The following ZNF239 variants were observed in gnomAD, a reference collection of about 807,000 sequenced individuals.
The protein encoded by ZNF239 is zinc finger protein (C2H2) homologous to mouse MOK-2.
A neutral mutation model predicts 27.5 loss-of-function variants in ZNF239; 16 were observed. That is an observed-to-expected ratio of 0.58 (90% CI 0.39 to 0.88). ZNF239 has a LOEUF of 0.88. Among genes scored for constraint, ZNF239 ranks in the 40% least tolerant of loss-of-function variants. The pLI is 0.00. For missense variants in ZNF239, 527 were observed against 551.9 expected (o/e 0.95, Z 0.45); for synonymous variants, 199 against 192.6 (o/e 1.03, Z -0.27).
At chr10:43,565,856 C>G (rs1837609210) in intron 3 of ZNF239, among the ~76,000 whole-genome samples, 2 of 144,190 alleles carry the variant, frequency 1.4e-5, no homozygotes, top group Non-Finnish European at 3.0e-5. Context: ...GAAAAAGAAG[C>G]CAGAGAATCT....
At chr10:43,565,324 T>G (rs1424619732) in intron 3 of ZNF239, among the ~76,000 whole-genome samples, 2 of 152,138 alleles carry the variant, frequency 1.3e-5, no homozygotes, top group Admixed American at 1.3e-4. Context: ...CCTCAGGTGA[T>G]CCGCCCACCT....
chr10:43,561,503 GT>G (rs2132251781), intron 3 of ZNF239, among the ~76,000 whole-genome samples: 1 of 152,304 alleles, frequency 6.6e-6, no homozygotes, highest in South Asian at 2.1e-4. Context: ...AAAAGTCATT[GT>G]GAAATTATAA....
chr10:43,561,137 T>C (rs1837217120), intron 3 of ZNF239, among the ~76,000 whole-genome samples: 1 of 151,786 alleles, frequency 6.6e-6, no homozygotes, highest in Non-Finnish European at 1.5e-5. Flanking sequence ...AATAGAAAGA[T>C]AAAAGTAAAA....
At chr10:43,568,878 C>T (rs549329544) in intron 2 of ZNF239, among the ~76,000 whole-genome samples, 19 of 152,078 alleles carry the variant, frequency 1.2e-4, no homozygotes, top group Non-Finnish European at 2.4e-4. Context: ...GGTGAAACCT[C>T]GTCTCTACTG....
intron 2 of ZNF239, among the ~76,000 whole-genome samples, chr10:43,573,140 T>C (rs1838136464): frequency 6.6e-6 from 1 of 152,252 alleles, no homozygotes; most frequent in African/African-American, 2.4e-5. Flanking sequence ...ACCACTGTGC[T>C]GCCATTTAAC....
At chr10:43,559,241 G>A (rs1207508502) in intron 3 of ZNF239, among the ~76,000 whole-genome samples, 1 of 152,174 alleles carries the variant, frequency 6.6e-6, no homozygotes. Flanking sequence ...AACTATTAAA[G>A]AATTTTAATT....
At chr10:43,559,407 C>T (rs2132236489) in intron 3 of ZNF239, among the ~76,000 whole-genome samples, 1 of 152,206 alleles carries the variant, frequency 6.6e-6, no homozygotes, top group Middle Eastern at 3.4e-3. Flanking sequence ...TGATGATAAA[C>T]TAAACCTAGA....
chr10:43,567,779 A>G (rs182071572), intron 3 of ZNF239, 120 bp downstream of exon 3: 4 of 496,972 alleles, frequency 8.0e-6, no homozygotes, highest in Non-Finnish European at 1.0e-5. Context: ...ACCATTCTCC[A>G]ATTTTTACCA....
At chr10:43,561,219 TAAC>T (rs1837224818) in intron 3 of ZNF239, among the ~76,000 whole-genome samples, 1 of 151,842 alleles carries the variant, frequency 6.6e-6, no homozygotes, top group Non-Finnish European at 1.5e-5. Flanking sequence ...AAAGAAATAA[TAAC>T]AAAAAAATGT....
intron 3 of ZNF239, among the ~76,000 whole-genome samples, chr10:43,560,988 A>G (rs992294666): frequency 7.2e-5 from 11 of 152,216 alleles, no homozygotes; most frequent in Non-Finnish European, 1.0e-4. Context: ...ATGATAGGTT[A>G]TGTCACTTGT....
intron 2 of ZNF239, among the ~76,000 whole-genome samples, chr10:43,571,746 T>A (rs1426273908): frequency 6.6e-6 from 1 of 152,050 alleles, no homozygotes; most frequent in East Asian, 1.9e-4. Context: ...TTAGTAGAGA[T>A]GAGGTTTCAC....
chr10:43,556,939 C>T lies in ZNF239; in HGVS notation c.1141G>A (p.Gly381Arg). The T allele has an allele frequency of 3.7e-6, 6 of 1,613,804 alleles. No individual in the cohort carries two copies. Among genetic ancestry groups the T allele is most frequent in the Non-Finnish European group, 5.1e-6 (6 of 1,179,962 alleles). The part of the protein sequence containing the change: ...GEKPYQCYEC[G>R]KGFSQSSDLR... ...TCCGAGCTCTGGCTGAAACCCTTCC[C>T]ACACTCATAGCATTGGTAAGGCTTC... Residue 381 changes from glycine to arginine, a missense_variant, in exon 4 of 4, where the codon GGG (glycine) becomes AGG (arginine). Gly to Arg is a moderately radical substitution (Grantham distance 125). Coordinates refer to ENST00000374446, the MANE Select transcript of ZNF239 (RefSeq NM_001099282.2).
intron 3 of ZNF239, among the ~76,000 whole-genome samples, chr10:43,566,748 C>G (rs1056443856): frequency 2.0e-5 from 3 of 152,116 alleles, no homozygotes; most frequent in Non-Finnish European, 4.4e-5. Flanking sequence ...GATAATTTGC[C>G]TGACCAATCC....
Position 43,557,828 on chromosome 10 carries a change from A to C in ZNF239, c.252T>G (p.Asn84Lys). 1 of 1,614,226 alleles carries C rather than the reference A, an allele frequency of 6.2e-7. No individual in the cohort carries two copies. Among genetic ancestry groups the C allele is most frequent in the Non-Finnish European group, 8.5e-7 (1 of 1,180,042 alleles). Reference sequence around the variant, plus strand: ...TGCTTTCCTGATGATCCTGAGGCTCATTCTTACAGAACTTCACTGAAGAGT... The same window carrying C: ...TGCTTTCCTGATGATCCTGAGGCTCCTTCTTACAGAACTTCACTGAAGAGT... The part of the protein sequence containing the change: ...TQDSSVKFCK[N>K]EPQDHQESRR... The change falls in exon 4 of 4, where the codon AAT (asparagine) becomes AAG (lysine). Residue 84 changes from asparagine (N) to lysine (K), a missense_variant. Transcript: ENST00000374446.
chr10:43,570,912 G>C (rs1837990148), intron 2 of ZNF239: 1 of 984,820 alleles, frequency 1.0e-6, no homozygotes, highest in Admixed American at 6.2e-5. Context: ...CTAACTTTGT[G>C]GTAGGTAAAA....
chr10:43,557,841 T>C lies in ZNF239; in HGVS notation c.239A>G (p.Lys80Arg), dbSNP rs773878540. ...SQIDTQDSSV[K>R]FCKNEPQDHQ... Reference sequence around the variant, plus strand: ...ATCCTGAGGCTCATTCTTACAGAACTTCACTGAAGAGTCTTGTGTGTCTAT... The same window carrying C: ...ATCCTGAGGCTCATTCTTACAGAACCTCACTGAAGAGTCTTGTGTGTCTAT... The change falls in exon 4 of 4, where the codon AAG becomes AGG. Residue 80 changes from lysine to arginine, a missense_variant. Transcript: ENST00000374446. 6.2e-7 allele frequency: 1 copy of C among 1,614,258 alleles called. No homozygotes were observed. Among genetic ancestry groups the C allele is most frequent in the Non-Finnish European group, 8.5e-7 (1 of 1,180,038 alleles).
intron 3 of ZNF239, among the ~76,000 whole-genome samples, chr10:43,563,207 C>G (rs2132261707): frequency 6.6e-6 from 1 of 152,104 alleles, no homozygotes; most frequent in Non-Finnish European, 1.5e-5. Context: ...CCCAGCTACT[C>G]AGGAGGCTGA....
intron 3 of ZNF239, among the ~76,000 whole-genome samples, chr10:43,566,643 T>C (rs2132282839): frequency 6.6e-6 from 1 of 152,346 alleles, no homozygotes; most frequent in East Asian, 1.9e-4. Context: ...CAAGTTCATA[T>C]GGTTCAACCT....
At position 43,557,536 on chromosome 10, in the gene ZNF239, T is replaced by C. The variant is rs574826133; in HGVS notation, c.544A>G (p.Asn182Asp). 8.7e-6 allele frequency: 14 copies of C among 1,614,188 alleles called. No homozygotes were observed. Among genetic ancestry groups the C allele is most frequent in the Admixed American group, 1.7e-5 (1 of 60,032 alleles). Residue 182 changes from asparagine to aspartate, a missense_variant, in exon 4 of 4, where the codon AAT becomes GAT. Coordinates refer to ENST00000374446, the MANE Select transcript of ZNF239 (RefSeq NM_001099282.2). Reference protein sequence around the residue: ...AHTEEKPCDHNNCGKILNTSP... With the variant: ...AHTEEKPCDHDNCGKILNTSP... ...GTGTTAAGTATTTTCCCACAGTTAT[T>C]ATGGTCACAGGGTTTCTCCTCTGTA...
Sources: allele counts gnomAD v4.1 joint callset (sites outside exome capture counted in the v4.1 genomes callset), GRCh38; gene constraint gnomAD v4.1.1; transcripts MANE v1.5; gene names NCBI Gene and HGNC (gene_info 2026-07-23, HGNC 2026-07-21).